Variants in NREP observed in about 807,000 individuals in gnomAD.
NREP encodes the protein neuronal regeneration related protein, also known as neuronal regeneration-related protein.
In NREP, 5 loss-of-function variants were observed where a neutral mutation model predicts 8.6. That is an observed-to-expected ratio of 0.58 (90% CI 0.30 to 1.22). The LOEUF (loss-of-function observed/expected upper bound fraction) is 1.22. Ranked by LOEUF, NREP falls within the 50% of genes most tolerant of loss-of-function variation. The pLI, the probability that NREP is intolerant of heterozygous loss-of-function variation, is 0.07. For synonymous variants in NREP, 27 were observed against 28.0 expected (o/e 0.96, Z 0.11); for missense variants, 86 against 82.5 (o/e 1.04, Z -0.17).
chr5:111,926,701 T>C (rs900956867), intron 2 of NREP, among the ~76,000 whole-genome samples: 4 of 151,870 alleles, frequency 2.6e-5, no homozygotes, highest in Non-Finnish European at 4.4e-5. Context: ...TTGTTACCCA[T>C]CTAGAAAGAG....
intron 2 of NREP, among the ~76,000 whole-genome samples, chr5:111,794,228 A>G (rs1440785741): frequency 6.6e-6 from 1 of 152,244 alleles, no homozygotes; most frequent in Non-Finnish European, 1.5e-5. Flanking sequence ...TTCAGAATGC[A>G]AATGCTGCAG....
At chr5:111,810,093 T>C (rs1321743341) in intron 2 of NREP, among the ~76,000 whole-genome samples, 9 of 151,602 alleles carry the variant, frequency 5.9e-5, no homozygotes, top group Admixed American at 4.6e-4. Flanking sequence ...ATGAGAGAGA[T>C]ATAGCTAGAC....
intron 2 of NREP, among the ~76,000 whole-genome samples, chr5:111,902,205 C>T (rs745647680): frequency 2.6e-5 from 4 of 151,866 alleles, no homozygotes; most frequent in Admixed American, 6.6e-5. Context: ...GAGTAAGGAC[C>T]CTCTCTTAAA....
At chr5:111,771,824 T>C (rs1751237627) in intron 2 of NREP, among the ~76,000 whole-genome samples, 2 of 151,250 alleles carry the variant, frequency 1.3e-5, no homozygotes, top group Admixed American at 6.6e-5. Flanking sequence ...TATTGTGCCA[T>C]CAATATTCAG....
chr5:111,755,924 T>C, intron 1 of NREP, 94 bp from the exon 2 acceptor site: 1 of 1,546,624 alleles, frequency 6.5e-7, no homozygotes, highest in East Asian at 2.3e-5. Flanking sequence ...GAATAACCAT[T>C]TTCTGTGGTT....
At chr5:111,955,155 A>T (rs2112641641) in intron 2 of NREP, among the ~76,000 whole-genome samples, 1 of 152,272 alleles carries the variant, frequency 6.6e-6, no homozygotes, top group African/African-American at 2.4e-5. Context: ...AAGCAGAAGA[A>T]TAAGTAAAAG....
intron 2 of NREP, among the ~76,000 whole-genome samples, chr5:111,911,934 A>G (rs1199059188): frequency 2.0e-5 from 3 of 152,004 alleles, no homozygotes; most frequent in Admixed American, 2.0e-4. Context: ...TCTTCACCCC[A>G]TTTTACAGAT....
At chr5:111,902,988 G>A (rs1754682613) in intron 2 of NREP, among the ~76,000 whole-genome samples, 1 of 151,588 alleles carries the variant, frequency 6.6e-6, no homozygotes, top group Non-Finnish European at 1.5e-5. Context: ...TGGTATTATT[G>A]CTTACAAAAG....
intron 2 of NREP, among the ~76,000 whole-genome samples, chr5:111,860,844 G>C (rs911136157): frequency 3.3e-5 from 5 of 152,086 alleles, no homozygotes; most frequent in Admixed American, 6.6e-5. Context: ...AAAACACTTA[G>C]GAAACATTTG....
intron 2 of NREP, among the ~76,000 whole-genome samples, chr5:111,833,811 G>T (rs766339750): frequency 1.3e-5 from 2 of 152,128 alleles, no homozygotes; most frequent in Non-Finnish European, 2.9e-5. Context: ...ATATGCGGTG[G>T]GTATTAGTGG....
At chr5:111,957,374 G>C (rs757885271) in intron 2 of NREP, among the ~76,000 whole-genome samples, 6 of 151,852 alleles carry the variant, frequency 4.0e-5, no homozygotes, top group African/African-American at 4.8e-5. Flanking sequence ...TCAATGGAGA[G>C]TCAATAAATA....
intron 2 of NREP, among the ~76,000 whole-genome samples, chr5:111,960,549 T>C (rs1756450960): frequency 6.6e-6 from 1 of 152,202 alleles, no homozygotes; most frequent in South Asian, 2.1e-4. Context: ...GTCAAAAACC[T>C]CATCTCTGTT....
At chr5:111,951,008 C>T (rs1756144618) in intron 2 of NREP, among the ~76,000 whole-genome samples, 1 of 152,076 alleles carries the variant, frequency 6.6e-6, no homozygotes, top group African/African-American at 2.4e-5. Flanking sequence ...TTAACACTAT[C>T]CTGAATTTGG....
chr5:111,901,631 C>A lies in NREP; in HGVS notation c.135+73643G>T, dbSNP rs981175310. On this transcript the variant is annotated intron_variant, in intron 2 of 3. Coordinates refer to the NREP transcript ENST00000395634. The stretch of plus-strand genomic sequence containing the variant: ...TCAGTAAAGTTTTACGATGCAAAAT[C>A]AACACACAAAAATCAGTAGTGTTTC... Among the ~76,000 whole-genome samples, 7 of 152,110 alleles carry A rather than the reference C, an allele frequency of 4.6e-5. No individual in the cohort carries two copies. The East Asian group carries it at 1.2e-3, about 25-fold the overall frequency.
intron 2 of NREP, among the ~76,000 whole-genome samples, chr5:111,972,294 T>C (rs1398926694): frequency 6.6e-6 from 1 of 152,192 alleles, no homozygotes; most frequent in Non-Finnish European, 1.5e-5. Context: ...ATGTTGAATG[T>C]GGTTGGTACA....
chr5:111,891,353 T>C (rs1279296512), intron 2 of NREP, among the ~76,000 whole-genome samples: 1 of 152,252 alleles, frequency 6.6e-6, no homozygotes, highest in African/African-American at 2.4e-5. Flanking sequence ...CATATCACTA[T>C]GAGCATTTTA....
chr5:111,926,044 C>G (rs1755374759), intron 2 of NREP, among the ~76,000 whole-genome samples: 1 of 152,144 alleles, frequency 6.6e-6, no homozygotes. Flanking sequence ...CATGTGAGAT[C>G]ATACACCTGG....
intron 2 of NREP, among the ~76,000 whole-genome samples, chr5:111,942,045 G>T (rs6882205): frequency 0.5 from 76,077 of 151,762 alleles, 19,693 homozygotes; most frequent in South Asian, 0.6. Context: ...TGCTTTTGTG[G>T]TAAGAGTACT....
chr5:111,915,850 T>G (rs914898108), intron 2 of NREP, among the ~76,000 whole-genome samples: 9 of 152,184 alleles, frequency 5.9e-5, no homozygotes, highest in Non-Finnish European at 1.2e-4. Context: ...GGCCTGTTCA[T>G]TGGTTATAAC....
Sources: allele counts gnomAD v4.1 joint callset (sites outside exome capture counted in the v4.1 genomes callset), GRCh38; gene constraint gnomAD v4.1.1; transcripts MANE v1.5; gene names NCBI Gene and HGNC (gene_info 2026-07-23, HGNC 2026-07-21).